EFCAB6: variants seen among roughly 807,000 people sequenced by gnomAD.
EFCAB6 encodes the protein EF-hand calcium-binding domain-containing protein 6.
Under a neutral mutation model 169.8 loss-of-function variants are expected in EFCAB6, and 156 were observed. That is an observed-to-expected ratio of 0.92 (90% CI 0.81 to 1.05). The LOEUF is 1.05. EFCAB6 is among the 50% of genes least tolerant of loss of function. EFCAB6 has a pLI of 0.00. For synonymous variants in EFCAB6, 698 were observed against 676.4 expected (o/e 1.03, Z -0.50); for missense variants, 1,800 against 1,829.1 (o/e 0.98, Z 0.29).
chr22:43,622,460 G>T (rs982922917), intron 20 of EFCAB6, among the ~76,000 whole-genome samples: 35 of 152,100 alleles, frequency 2.3e-4, no homozygotes, highest in Non-Finnish European at 4.9e-4. Flanking sequence ...CAGTTACTTG[G>T]GAGTCTGAGG....
rs1307768020 is a variant in EFCAB6, at chr22:43,550,949, GT to G, written c.3648+3919del. Among the ~76,000 whole-genome samples, 14 of 152,240 alleles carry G rather than the reference GT, an allele frequency of 9.2e-5. No homozygotes were observed. The East Asian group carries it at 2.3e-3, about 25-fold the overall frequency. ...CCCGAAAGGTTAATTGCACCAAAGG[GT>G]TTCAAAAGATGTGTCACTTCCCTCA... On this transcript the variant is annotated intron_variant, in intron 27 of 31. Coordinates refer to ENST00000262726, the MANE Select transcript of EFCAB6 (RefSeq NM_022785.4).
Position 43,672,325 on chromosome 22 carries a change from T to C in EFCAB6, c.1420-20A>G, listed in dbSNP as rs1464844415. 3 of 1,612,906 alleles carry C rather than the reference T, an allele frequency of 1.9e-6. No homozygotes were observed. Among genetic ancestry groups the C allele is most frequent in the Non-Finnish European group, 2.5e-6 (3 of 1,179,158 alleles). ...TCTCATCTAATTGGGAAAGAGAAAG[T>C]ATATAAATAAATACCACTCATGAAA... On this transcript the variant is annotated intron_variant, in intron 13 of 31. Coordinates refer to ENST00000262726, the MANE Select transcript of EFCAB6 (RefSeq NM_022785.4).
chr22:43,580,791 G>C, intron 24 of EFCAB6, 132 bp from the exon 25 acceptor site: 1 of 948,122 alleles, frequency 1.1e-6, no homozygotes. Context: ...TCCCTTCGCT[G>C]TACGTGCAGA....
chr22:43,686,588 A>G (rs1424913827), intron 11 of EFCAB6, among the ~76,000 whole-genome samples: 3 of 151,636 alleles, frequency 2.0e-5, no homozygotes, highest in Non-Finnish European at 4.4e-5. Flanking sequence ...GTAACTTCAC[A>G]TAACGAATGA....
intron 9 of EFCAB6, among the ~76,000 whole-genome samples, chr22:43,715,950 G>A (rs748532967): frequency 6.6e-6 from 1 of 152,064 alleles, no homozygotes. Context: ...TATGAATGTT[G>A]GGAATTATTC....
At chr22:43,598,297 G>A (rs1214597516) in intron 23 of EFCAB6, among the ~76,000 whole-genome samples, 1 of 101,416 alleles carries the variant, frequency 9.9e-6, no homozygotes. Flanking sequence ...ATGAAAGTGA[G>A]ACACTGTCTC....
intron 6 of EFCAB6, among the ~76,000 whole-genome samples, chr22:43,737,120 C>G (rs931232787): frequency 1.3e-5 from 2 of 152,136 alleles, no homozygotes; most frequent in Admixed American, 6.5e-5. Context: ...AAACCCAACT[C>G]ACCGCCTCTT....
At chr22:43,785,769 T>A in intron 2 of EFCAB6, among the ~76,000 whole-genome samples, 1 of 152,012 alleles carries the variant, frequency 6.6e-6, no homozygotes, top group South Asian at 2.1e-4. Context: ...CCAAAAACAA[T>A]GAGAAAACAC....
intron 20 of EFCAB6, among the ~76,000 whole-genome samples, chr22:43,621,484 A>T (rs1235381208): frequency 1.3e-5 from 2 of 152,198 alleles, no homozygotes; most frequent in East Asian, 3.8e-4. Context: ...AAGGGAAATT[A>T]GAAAATAATT....
intron 17 of EFCAB6, among the ~76,000 whole-genome samples, chr22:43,645,664 A>G (rs377105686): frequency 6.6e-6 from 1 of 152,244 alleles, no homozygotes; most frequent in South Asian, 2.1e-4. Flanking sequence ...TGTAAAATGT[A>G]GTAGTGATAC....
intron 8 of EFCAB6, among the ~76,000 whole-genome samples, chr22:43,725,783 A>G (rs2059706264): frequency 6.6e-6 from 1 of 152,174 alleles, no homozygotes; most frequent in African/African-American, 2.4e-5. Context: ...TAGAGATTTA[A>G]TATTATATGC....
At chr22:43,581,219 A>C (rs2050702012) in intron 24 of EFCAB6, among the ~76,000 whole-genome samples, 2 of 152,208 alleles carry the variant, frequency 1.3e-5, no homozygotes, top group Admixed American at 6.5e-5. Context: ...AGTGGGATTT[A>C]AAAGAGAGGA....
At chr22:43,714,340 T>C (rs766378121) in intron 9 of EFCAB6, among the ~76,000 whole-genome samples, 31 of 151,334 alleles carry the variant, frequency 2.0e-4, no homozygotes, top group South Asian at 4.2e-4. Context: ...GAAGGAAGGA[T>C]AGAAGGAGGA....
At chr22:43,545,096 G>A (rs1234064554) in intron 27 of EFCAB6, among the ~76,000 whole-genome samples, 2 of 152,122 alleles carry the variant, frequency 1.3e-5, no homozygotes, top group African/African-American at 2.4e-5. Context: ...GCAGTGAGCC[G>A]AGATCGCACC....
intron 26 of EFCAB6, among the ~76,000 whole-genome samples, chr22:43,568,139 C>A (rs1379447760): frequency 6.6e-6 from 1 of 152,204 alleles, no homozygotes; most frequent in East Asian, 1.9e-4. Flanking sequence ...ATTGTCCCCA[C>A]CACAAGCCTG....
intron 9 of EFCAB6, among the ~76,000 whole-genome samples, chr22:43,716,486 T>C (rs1293051391): frequency 1.3e-5 from 2 of 152,188 alleles, no homozygotes; most frequent in Non-Finnish European, 2.9e-5. Context: ...TATCCTGATA[T>C]AGGAAGAATA....
chr22:43,669,076 CA>C, intron 15 of EFCAB6, 31 bp from the exon 16 acceptor site: 2 of 1,537,342 alleles, frequency 1.3e-6, no homozygotes, highest in Non-Finnish European at 1.8e-6. Flanking sequence ...AAAACACACT[CA>C]GTAGAGTAAT....
intron 13 of EFCAB6, 23 bp downstream of exon 13, chr22:43,677,973 C>T (rs1464629533): frequency 1.1e-5 from 17 of 1,592,682 alleles, no homozygotes; most frequent in Non-Finnish European, 1.5e-5. Context: ...GAAAACCAAA[C>T]AGGAAGTTGT....
At chr22:43,688,957 T>G (rs935193135) in intron 10 of EFCAB6, among the ~76,000 whole-genome samples, 2 of 152,174 alleles carry the variant, frequency 1.3e-5, no homozygotes, top group Non-Finnish European at 2.9e-5. Context: ...TCTAGGGTAT[T>G]AAAAAATTCA....
Sources: gnomAD v4.1 joint callset for allele counts (sites outside exome capture counted in the v4.1 genomes callset) on GRCh38, gnomAD v4.1.1 for gene constraint, MANE v1.5 for transcripts, NCBI Gene and HGNC (gene_info 2026-07-23, HGNC 2026-07-21) for gene names.